RTN2: variants seen among roughly 807,000 people sequenced by gnomAD.
The protein encoded by RTN2 is reticulon-2.
Under a neutral mutation model 63.7 loss-of-function variants are expected in RTN2, and 36 were observed. The ratio of observed to expected loss-of-function variants is 0.56; its 90% CI spans 0.43 to 0.75. The LOEUF (loss-of-function observed/expected upper bound fraction) is 0.75. RTN2 is among the 30% of genes least tolerant of loss of function. RTN2 has a pLI of 0.00. For missense variants in RTN2, 673 were observed against 705.1 expected (o/e 0.95, Z 0.52); for synonymous variants, 312 against 313.0 (o/e 1.00, Z 0.03).
In RTN2 at chr19:45,489,549, C is replaced by A; in HGVS notation, c.1038G>T (p.Ala346=). ...SLGADMGSKV[A]DLLYWKDTRT... ...TCGTGTCCTTCCAGTACAGCAGGTCCGCCACTGTGGAGGGGTGGGGGGCAT... is the reference window on the plus strand; with the variant it reads ...TCGTGTCCTTCCAGTACAGCAGGTCAGCCACTGTGGAGGGGTGGGGGGCAT... The change falls in exon 6 of 11, where the codon GCG becomes GCT. Residue 346 remains alanine (A), a synonymous_variant. Transcript: ENST00000245923. The A allele has an allele frequency of 1.3e-6, 2 of 1,594,864 alleles. No homozygotes were observed. The highest frequency in any genetic ancestry group is 1.1e-5 in the South Asian group (1 of 87,856).
Position 45,486,224 on chromosome 19 carries a change from C to T in RTN2, c.1498-111G>A, listed in dbSNP as rs961702579. On this transcript the variant is annotated intron_variant, in intron 9 of 10. Coordinates refer to ENST00000245923, the MANE Select transcript of RTN2 (RefSeq NM_005619.5). ...CCAAATTAGGAGTTGTGAAGAGTGG[C>T]CCACCACGCCACCCCCGGCTCTAAA... is the stretch of plus-strand genomic sequence containing the variant. 9 of 844,002 alleles carry T rather than the reference C, an allele frequency of 1.1e-5. No homozygotes were observed. The Admixed American group carries it at 1.3e-4, about 12-fold the overall frequency. The allele number at this position is 844,002 out of a possible 1,614,324, so 52.3% of individuals were successfully genotyped here. A position where few individuals can be genotyped will look rare whatever the true frequency, so the allele number is the denominator to read the frequency against.
At chr19:45,486,994 C>G (rs1216571718) in intron 9 of RTN2, among the ~76,000 whole-genome samples, 3 of 143,376 alleles carry the variant, frequency 2.1e-5, no homozygotes, top group Non-Finnish European at 4.5e-5. Context: ...CTCAGCCTCC[C>G]AAAGCTGGGA....
chr19:45,493,080 CGGATGTGCAGGAGATAAG>C, intron 5 of RTN2, 62 bp downstream of exon 5: 5 of 1,320,710 alleles, frequency 3.8e-6, no homozygotes, highest in Non-Finnish European at 5.4e-6. Context: ...AAAAATGCTC[CGGATGTGCAGGAGATAAG>C]GGCGAGTTTG....
In RTN2 at chr19:45,494,308, C is replaced by T. The variant is rs377094463; in HGVS notation, c.672G>A (p.Ser224=). 2.0e-4 allele frequency: 319 copies of T among 1,614,068 alleles called. 3 individuals are homozygous for T. In the South Asian group the frequency reaches 2.6e-3, roughly 13 times the overall value. ...CTTCGGGCCCAGAGTTCGAATCTCG[C>T]GATCGGGATGGGGACGGAGTACCGG... is the stretch of plus-strand genomic sequence containing the variant. The part of the protein sequence containing the change: ...PQAGTPSPSR[S]RDSNSGPEEP... Residue 224 remains serine, a synonymous_variant, in exon 4 of 11, where the codon TCG becomes TCA. Transcript: ENST00000245923. This position sits in a 1 kb window ranked among gnomAD's most constrained non-coding sequence, Gnocchi z 5.3.
Position 45,494,926 on chromosome 19 carries a change from C to A in RTN2, c.159G>T (p.Ser53=). 6.2e-7 allele frequency: 1 copy of A among 1,613,642 alleles called. No individual in the cohort carries two copies. The highest frequency in any genetic ancestry group is 8.5e-7 in the Non-Finnish European group (1 of 1,180,014). Residue 53 remains serine (S), a synonymous_variant, in exon 3 of 11, where the codon TCG becomes TCT. Coordinates refer to ENST00000245923, the MANE Select transcript of RTN2 (RefSeq NM_005619.5). The surrounding 1 kb of genome is among the most constrained non-coding windows in gnomAD (Gnocchi z 5.3). ...FSEEDEEETT[S]QDWGTPRELT... is the part of the protein sequence containing the mutation. ...GCTCCCGGGGGGTGCCCCAGTCCTG[C>A]GACGTGGTCTCCTCCTCGTCCTCCT...
Position 45,485,334 on chromosome 19 carries a change from A to G in RTN2, c.*374T>C, listed in dbSNP as rs2122197464. The G allele has an allele frequency of 4.2e-6, 1 of 235,902 alleles. No individual in the cohort carries two copies. Among genetic ancestry groups the G allele is most frequent in the Non-Finnish European group, 8.5e-6 (1 of 117,866 alleles). 14.6% of individuals were successfully genotyped at this position (235,902 alleles called of 1,614,324 possible). ...TTTATTACAGTGTAAATCCAAGCTC[A>G]GGCCTCCCCTGGGCCCCATGCAAAG... On this transcript the variant is annotated 3_prime_UTR_variant, in exon 11 of 11. Coordinates refer to ENST00000245923, the MANE Select transcript of RTN2 (RefSeq NM_005619.5).
At position 45,486,734 on chromosome 19, in the gene RTN2, TTC is replaced by T. The variant is rs201788531; in HGVS notation, c.1498-623_1498-622del. 5.4e-5 allele frequency among the ~76,000 whole-genome samples: 8 copies of T among 147,102 alleles called. 1 individual carries two copies. The highest frequency in any genetic ancestry group is 2.1e-4 in the South Asian group (1 of 4,668). On this transcript the variant is annotated intron_variant, in intron 9 of 10. Coordinates refer to ENST00000245923, the MANE Select transcript of RTN2 (RefSeq NM_005619.5). ...TTCTTTTTTTTTTCTTTTTCTTTCT[TTC>T]TTTTTTTTTTTTTCCTGAGACGGAG...
rs375788260 is a variant in RTN2 at position 45,494,698 on chromosome 19, G to C, written c.387C>G (p.Thr129=). 1.9e-6 allele frequency: 3 copies of C among 1,613,526 alleles called. No homozygotes were observed. Among genetic ancestry groups the C allele is most frequent in the African/African-American group, 2.7e-5 (2 of 75,052 alleles). The change falls in exon 3 of 11, where the codon ACC becomes ACG. Residue 129 remains threonine (T), a synonymous_variant. Coordinates refer to ENST00000245923, the MANE Select transcript of RTN2 (RefSeq NM_005619.5). The surrounding 1 kb of genome is among the most constrained non-coding windows in gnomAD (Gnocchi z 5.3). Reference sequence around the variant, plus strand: ...CCAGAGGGCGCTCGGATGGAGGCGCGGTGTCAGGATCACCCCGTCGTCCAG... The same window carrying C: ...CCAGAGGGCGCTCGGATGGAGGCGCCGTGTCAGGATCACCCCGTCGTCCAG... ...PEPGRRGDPD[T]APPSERPLED...
At position 45,494,312 on chromosome 19, in the gene RTN2, C is replaced by T. The variant is rs1284501805; in HGVS notation, c.668G>A (p.Arg223Gln). The change falls in exon 4 of 11, where the codon CGA (arginine) becomes CAA (glutamine). Residue 223 changes from arginine (R) to glutamine (Q), a missense_variant. Arg to Gln is a conservative substitution (Grantham distance 43, BLOSUM62 1). Transcript: ENST00000245923. The surrounding 1 kb of genome is among the most constrained non-coding windows in gnomAD (Gnocchi z 5.3). Reference protein sequence around the residue: ...TPQAGTPSPSRSRDSNSGPEE... With the variant: ...TPQAGTPSPSQSRDSNSGPEE... Reference sequence around the variant, plus strand: ...GGGCCCAGAGTTCGAATCTCGCGATCGGGATGGGGACGGAGTACCGGCCTG... The same window carrying T: ...GGGCCCAGAGTTCGAATCTCGCGATTGGGATGGGGACGGAGTACCGGCCTG... The T allele has an allele frequency of 1.9e-6, 3 of 1,613,980 alleles. No homozygotes were observed. In the African/African-American group the frequency reaches 4.0e-5, roughly 22 times the overall value.
At chr19:45,486,977 C>CCT (rs985786638) in intron 9 of RTN2, among the ~76,000 whole-genome samples, 17 of 149,250 alleles carry the variant, frequency 1.1e-4, no homozygotes, top group Non-Finnish European at 2.4e-4. Context: ...TCAAGTGATC[C>CCT]GCCTGCCTCA....
At position 45,488,835 on chromosome 19, in the gene RTN2, AGCTC is replaced by A. The variant is rs1170397691; in HGVS notation, c.1380+9_1380+12del. On this transcript the variant is annotated intron_variant, in intron 7 of 10. Transcript: ENST00000245923. ...ATGGGGGAACCCAGGAGGGGCTGAG[AGCTC>A]CAGGCCACCTTGAGGGAATCCACGA... 1 of 1,600,108 alleles carries A rather than the reference AGCTC, an allele frequency of 6.2e-7. No individual in the cohort carries two copies. The highest frequency in any genetic ancestry group is 1.3e-5 in the African/African-American group (1 of 74,982).
chr19:45,488,231 C>T (rs1384425655), intron 9 of RTN2, among the ~76,000 whole-genome samples: 2 of 152,176 alleles, frequency 1.3e-5, no homozygotes, highest in East Asian at 1.9e-4. Flanking sequence ...CCAGCCTGGG[C>T]AACAGAGCAA....
chr19:45,495,474 TC>T (rs2122229999), intron 1 of RTN2, among the ~76,000 whole-genome samples: 1 of 152,240 alleles, frequency 6.6e-6, no homozygotes, highest in East Asian at 1.9e-4. Context: ...ATCCCTGCCC[TC>T]CTAGAGCTGA....
chr19:45,490,857 G>T (rs1300756719), intron 5 of RTN2, among the ~76,000 whole-genome samples: 1 of 150,592 alleles, frequency 6.6e-6, no homozygotes, highest in Admixed American at 6.6e-5. Context: ...GATTACAAGC[G>T]TGAGACACCA....
Position 45,495,178 on chromosome 19 carries a change from G to T in RTN2, c.35-39C>A. 1.9e-6 allele frequency: 3 copies of T among 1,610,758 alleles called. No individual in the cohort carries two copies. The South Asian group carries it at 3.3e-5, about 18-fold the overall frequency. On this transcript the variant is annotated intron_variant, in intron 1 of 10. Transcript: ENST00000245923. ...AGAATCGAAGACTCTTAGAAGCTTA[G>T]ACTGTCCGAATCACAGAAGTGTCCC...
chr19:45,492,245 C>T (rs952167539), intron 5 of RTN2, among the ~76,000 whole-genome samples: 8 of 152,170 alleles, frequency 5.3e-5, no homozygotes, highest in African/African-American at 1.7e-4. Flanking sequence ...TGACCAGTGA[C>T]CTTTGTACCC....
In RTN2 at chr19:45,496,967, CCG is replaced by C; in HGVS notation, c.-144_-143del. Reference sequence around the variant, plus strand: ...TCCTCCTCCCGGGCTGCTCCAGCCGCCGCCGCCGCCGCCGCCGCCGCCGCCGC... The same window carrying C: ...TCCTCCTCCCGGGCTGCTCCAGCCGCCCGCCGCCGCCGCCGCCGCCGCCGC... On this transcript the variant is annotated 5_prime_UTR_variant, in exon 1 of 11. Coordinates refer to ENST00000245923, the MANE Select transcript of RTN2 (RefSeq NM_005619.5). 4.1e-6 allele frequency: 1 copy of C among 246,660 alleles called. No individual in the cohort carries two copies. Among genetic ancestry groups the C allele is most frequent in the East Asian group, 8.6e-5 (1 of 11,654 alleles). The allele number at this position is 246,660 out of a possible 1,614,324, so 15.3% of individuals were successfully genotyped here. A position where few individuals can be genotyped will look rare whatever the true frequency, so the allele number is the denominator to read the frequency against.
rs1036268930 is a variant in RTN2, at chr19:45,494,066, C to A, written c.814+100G>T. 2.3e-5 allele frequency: 34 copies of A among 1,494,998 alleles called. No individual in the cohort carries two copies. Among genetic ancestry groups the A allele is most frequent in the East Asian group, 1.6e-4 (7 of 44,212 alleles). 92.6% of individuals were successfully genotyped at this position (1,494,998 alleles called of 1,614,324 possible). A position where few individuals can be genotyped will look rare whatever the true frequency, so the allele number is the denominator to read the frequency against. Reference sequence around the variant, plus strand: ...TCACGTCTATCTCTTCCCTTTTCCACTATGTACTGTTCCTTTGCGAGGTTG... The same window carrying A: ...TCACGTCTATCTCTTCCCTTTTCCAATATGTACTGTTCCTTTGCGAGGTTG... On this transcript the variant is annotated intron_variant, in intron 4 of 10. Coordinates refer to ENST00000245923, the MANE Select transcript of RTN2 (RefSeq NM_005619.5). This position sits in a 1 kb window ranked among gnomAD's most constrained non-coding sequence, Gnocchi z 5.3.
Position 45,486,105 on chromosome 19 carries a change from G to C in RTN2, c.1506C>G (p.Ile502Met). Residue 502 changes from isoleucine (I) to methionine (M), a missense_variant, in exon 10 of 11, where the codon ATC becomes ATG. Physicochemically the swap from Ile to Met is conservative, Grantham distance 10. Transcript: ENST00000245923. ...TGGTCACCAACCCCACATATTGGTC[G>C]ATCTGAGCCTGGGGAGACCAAAGAA... ...PLLYRQHQAQ[I>M]DQYVGLVTNQ... 6.2e-7 allele frequency: 1 copy of C among 1,613,958 alleles called. No homozygotes were observed. The highest frequency in any genetic ancestry group is 8.5e-7 in the Non-Finnish European group (1 of 1,179,930).
Sources: allele counts gnomAD v4.1 joint callset (sites outside exome capture counted in the v4.1 genomes callset), GRCh38; gene constraint gnomAD v4.1.1; non-coding constraint Gnocchi (gnomAD v3.1); transcripts MANE v1.5; gene names NCBI Gene and HGNC (gene_info 2026-07-23, HGNC 2026-07-21).